Variants in VPS35 observed in about 807,000 individuals in gnomAD.
The protein encoded by VPS35 is VPS35 retromer complex component, also known as vacuolar protein sorting-associated protein 35.
A neutral mutation model predicts 98.1 loss-of-function variants in VPS35; 21 were observed. The ratio of observed to expected loss-of-function variants is 0.21; its 90% CI spans 0.15 to 0.31. VPS35 has a LOEUF of 0.31. Among genes scored for constraint, VPS35 ranks in the 10% least tolerant of loss-of-function variants. The pLI, the probability that VPS35 is intolerant of heterozygous loss-of-function variation, is 1.00. For missense variants in VPS35, 554 were observed against 950.8 expected (o/e 0.58, Z 5.49); for synonymous variants, 268 against 318.2 (o/e 0.84, Z 1.68).
At chr16:46,662,540 T>C (rs1473739052) in intron 14 of VPS35, 58 bp from the exon 15 acceptor site, 1 of 1,604,436 alleles carries the variant, frequency 6.2e-7, no homozygotes, top group African/African-American at 1.3e-5. Context: ...AGTTGAGCAT[T>C]TTCCAAAGTA....
chr16:46,685,680 C>T (rs1966299321), intron 1 of VPS35, among the ~76,000 whole-genome samples: 1 of 152,156 alleles, frequency 6.6e-6, no homozygotes, highest in Non-Finnish European at 1.5e-5. Context: ...ATTTACTATT[C>T]ATCATGGGCT....
chr16:46,662,347 G>C lies in VPS35; in HGVS notation c.1963C>G (p.Leu655Val), dbSNP rs1965925959. Residue 655 changes from leucine to valine, a missense_variant, in exon 15 of 17, where the codon CTT becomes GTT. Coordinates refer to ENST00000299138, the MANE Select transcript of VPS35 (RefSeq NM_018206.6). The stretch of plus-strand genomic sequence containing the variant: ...TTCTTTAGAAGTTTGGATGCAGCAA[G>C]GGCACACTGAGTCCTCAGAGGTTCG... ...NHEPLRTQCA[L>V]AASKLLKKPD... 6.2e-7 allele frequency: 1 copy of C among 1,614,072 alleles called. No homozygotes were observed.
chr16:46,681,796 C>T (rs574109423), intron 3 of VPS35: 3 of 538,818 alleles, frequency 5.6e-6, no homozygotes, highest in African/African-American at 3.8e-5. Context: ...ATAACAAAAT[C>T]TAAGTATTAA....
intron 1 of VPS35, chr16:46,688,821 A>G: frequency 7.3e-7 from 1 of 1,374,564 alleles, no homozygotes; most frequent in Non-Finnish European, 9.4e-7. Flanking sequence ...TAGGCAGGTG[A>G]CCGATTCCAC....
chr16:46,660,513 G>A lies in VPS35; in HGVS notation c.2350C>T (p.Pro784Ser). ...LEHLRLRRES[P>S]ESEGPIYEGL... ...TCATAAATTGGCCCCTCGGATTCTGGTGATTCCCGCCGCAAGCGCAAATGC... is the reference window on the plus strand; with the variant it reads ...TCATAAATTGGCCCCTCGGATTCTGATGATTCCCGCCGCAAGCGCAAATGC... The change falls in exon 17 of 17, where the codon CCA becomes TCA. Residue 784 changes from proline to serine, a missense_variant. Pro to Ser is a moderately conservative substitution (Grantham distance 74, BLOSUM62 -1). Coordinates refer to ENST00000299138, the MANE Select transcript of VPS35 (RefSeq NM_018206.6). The A allele has an allele frequency of 6.2e-7, 1 of 1,613,914 alleles. No individual in the cohort carries two copies. The highest frequency in any genetic ancestry group is 8.5e-7 in the Non-Finnish European group (1 of 1,179,978).
intron 6 of VPS35, among the ~76,000 whole-genome samples, chr16:46,678,673 C>T (rs1966188344): frequency 6.6e-6 from 1 of 152,128 alleles, no homozygotes; most frequent in Non-Finnish European, 1.5e-5. Flanking sequence ...ACTTTAGAAT[C>T]AGCTTCTTAA....
rs779434158 is a variant in VPS35 at position 46,676,647 on chromosome 16, G to A, written c.850C>T (p.Arg284Trp). ...FHLQTLNPFL[R>W]ACAELHQNVN... ...TTCTGGTGTAACTCAGCACAGGCCCGAAGAAAAGGATTCAAAGTCTGGAGG... is the reference window on the plus strand; with the variant it reads ...TTCTGGTGTAACTCAGCACAGGCCCAAAGAAAAGGATTCAAAGTCTGGAGG... Residue 284 changes from arginine to tryptophan, a missense_variant, in exon 8 of 17, where the codon CGG becomes TGG. Coordinates refer to ENST00000299138, the MANE Select transcript of VPS35 (RefSeq NM_018206.6). 9 of 1,613,180 alleles carry A rather than the reference G, an allele frequency of 5.6e-6. No homozygotes were observed. The highest frequency in any genetic ancestry group is 4.5e-5 in the East Asian group (2 of 44,820).
intron 4 of VPS35, 33 bp downstream of exon 4, chr16:46,681,344 G>A (rs1467213052): frequency 6.2e-7 from 1 of 1,612,652 alleles, no homozygotes; most frequent in Admixed American, 1.7e-5. Context: ...GAGAAATACA[G>A]ACACAAAAGT....
chr16:46,682,416 T>C (rs916430851), intron 2 of VPS35: 8 of 458,942 alleles, frequency 1.7e-5, no homozygotes, highest in South Asian at 4.5e-5. Context: ...AGCTTCTTGA[T>C]AGAATGCTAA....
At position 46,681,409 on chromosome 16, in the gene VPS35, A is replaced by G. The variant is rs757397775; in HGVS notation, c.291T>C (p.Leu97=). The G allele has an allele frequency of 1.2e-6, 2 of 1,613,768 alleles. No individual in the cohort carries two copies. The highest frequency in any genetic ancestry group is 1.7e-6 in the Non-Finnish European group (2 of 1,179,762). Residue 97 remains leucine (L), a synonymous_variant, in exon 4 of 17, where the codon CTT becomes CTC. Coordinates refer to ENST00000299138, the MANE Select transcript of VPS35 (RefSeq NM_018206.6). ...KGRKVADLYE[L]VQYAGNIIPR... ...GGATAATGTTTCCAGCATACTGTACAAGTTCGTAGAGATCTGCCACTTTCC... is the reference window on the plus strand; with the variant it reads ...GGATAATGTTTCCAGCATACTGTACGAGTTCGTAGAGATCTGCCACTTTCC...
rs1555465749 is a variant in VPS35, at chr16:46,671,709, T to A, written c.1520A>T (p.Tyr507Phe). The change falls in exon 12 of 17, where the codon TAC becomes TTC. Residue 507 changes from tyrosine (Y) to phenylalanine (F), a missense_variant. This residue lies in a region of VPS35 where 254 missense variants were observed against 390.1 expected (regional missense o/e 0.65). Coordinates refer to ENST00000299138, the MANE Select transcript of VPS35 (RefSeq NM_018206.6). ...LLRSEDPDQQ[Y>F]LILNTARKHF... ...ATACTAAGGGTAAACTCATACCAAG[T>A]ACTGCTGGTCAGGGTCCTCAGAGCG... is the stretch of plus-strand genomic sequence containing the variant. The A allele has an allele frequency of 1.2e-6, 2 of 1,614,030 alleles. No individual in the cohort carries two copies. The highest frequency in any genetic ancestry group is 1.7e-6 in the Non-Finnish European group (2 of 1,179,996).
At chr16:46,688,469 A>G in intron 1 of VPS35, 1 of 987,264 alleles carries the variant, frequency 1.0e-6, no homozygotes, top group South Asian at 4.7e-5. Flanking sequence ...TGGCGAGACA[A>G]AAGAGGCAAG....
rs546485076 is a variant in VPS35 at position 46,663,862 on chromosome 16, A to ATTTTTTTTTTTTTTTTTTTTTTT, written c.1648-723_1648-701dup. On this transcript the variant is annotated intron_variant, in intron 13 of 16. Coordinates refer to ENST00000299138, the MANE Select transcript of VPS35 (RefSeq NM_018206.6). Reference sequence around the variant, plus strand: ...AGGCTTGCATCACCACACCTGGCTAATTTTTTTTTTTTTTTTTTTTTTTTT... The same window carrying ATTTTTTTTTTTTTTTTTTTTTTT: ...AGGCTTGCATCACCACACCTGGCTAATTTTTTTTTTTTTTTTTTTTTTTTTTTTTTTTTTTTTTTTTTTTTTTT... Among the ~76,000 whole-genome samples the ATTTTTTTTTTTTTTTTTTTTTTT allele has an allele frequency of 8.0e-4, 23 of 28,686 alleles. 8 individuals carry two copies. Among genetic ancestry groups the ATTTTTTTTTTTTTTTTTTTTTTT allele is most frequent in the East Asian group, 2.8e-3 (2 of 704 alleles). The allele number at this position is 28,686 out of a possible 152,430, so 18.8% of individuals were successfully genotyped here.
In VPS35 at chr16:46,681,511, T is replaced by C. The variant is rs377328564; in HGVS notation, c.200-11A>G. On this transcript the variant is annotated splice_polypyrimidine_tract_variant and intron_variant, in intron 3 of 16. Transcript: ENST00000299138. The stretch of plus-strand genomic sequence containing the variant: ...CAGAAATGGCCATATCTTTTAATTA[T>C]GATTAAGGACTAAAAATAAAAATAA... 4.3e-6 allele frequency: 7 copies of C among 1,611,596 alleles called. No individual in the cohort carries two copies. The South Asian group carries it at 7.7e-5, about 18-fold the overall frequency.
chr16:46,664,460 A>G (rs967178513), intron 13 of VPS35, among the ~76,000 whole-genome samples: 3 of 150,818 alleles, frequency 2.0e-5, no homozygotes, highest in Non-Finnish European at 4.4e-5. Flanking sequence ...TCTAGACCTT[A>G]TTTTCTTGAG....
At position 46,662,274 on chromosome 16, in the gene VPS35, G is replaced by A; in HGVS notation, c.2036C>T (p.Ser679Phe). The A allele has an allele frequency of 6.2e-7, 1 of 1,614,108 alleles. No homozygotes were observed. The highest frequency in any genetic ancestry group is 8.5e-7 in the Non-Finnish European group (1 of 1,180,022). ...AVSTCAHLFW[S>F]GRNTDKNGEE... ...CCCATTTTTGTCCGTGTTTCTGCCAGACCAGAAGAGATGTGCACAGGTGCT... is the reference window on the plus strand; with the variant it reads ...CCCATTTTTGTCCGTGTTTCTGCCAAACCAGAAGAGATGTGCACAGGTGCT... Residue 679 changes from serine (S) to phenylalanine (F), a missense_variant, in exon 15 of 17, where the codon TCT becomes TTT. By Grantham distance (155) the Ser-to-Phe change is radical. Coordinates refer to ENST00000299138, the MANE Select transcript of VPS35 (RefSeq NM_018206.6).
intron 1 of VPS35, among the ~76,000 whole-genome samples, chr16:46,687,799 G>A (rs1966343041): frequency 6.6e-6 from 1 of 152,158 alleles, no homozygotes; most frequent in African/African-American, 2.4e-5. Context: ...AGAAGACTAA[G>A]CGAGCTGCCT....
chr16:46,670,371 C>T (rs936101030), intron 12 of VPS35, among the ~76,000 whole-genome samples: 1 of 152,166 alleles, frequency 6.6e-6, no homozygotes, highest in African/African-American at 2.4e-5. Flanking sequence ...GCAACCTCCA[C>T]CTCCCAGGTT....
chr16:46,662,558 C>T, intron 14 of VPS35, 76 bp from the exon 15 acceptor site: 1 of 1,597,934 alleles, frequency 6.3e-7, no homozygotes, highest in Non-Finnish European at 8.5e-7. Context: ...GTACTTGTCA[C>T]CAAACCTCCA....
Sources: gnomAD v4.1 joint callset for allele counts (sites outside exome capture counted in the v4.1 genomes callset) on GRCh38, gnomAD v4.1.1 for gene constraint, gnomAD v4.1.1 regional missense constraint, MANE v1.5 for transcripts, NCBI Gene and HGNC (gene_info 2026-07-23, HGNC 2026-07-21) for gene names.